Variants in ANKS1B observed in about 807,000 individuals in gnomAD.
ANKS1B encodes ankyrin repeat and sterile alpha motif domain containing 1B, also known as ankyrin repeat and sterile alpha motif domain-containing protein 1B.
Under a neutral mutation model 148.3 loss-of-function variants are expected in ANKS1B, and 36 were observed. The ratio of observed to expected loss-of-function variants is 0.24; its 90% CI spans 0.19 to 0.32. ANKS1B has a LOEUF of 0.32. Ranked by LOEUF, ANKS1B falls within the 10% of genes least tolerant of loss-of-function variation. The pLI is 1.00. For missense variants in ANKS1B, 1,157 were observed against 1,542.6 expected, an observed-to-expected ratio of 0.75 and a Z score of 4.19; for synonymous variants, 542 against 560.8, an observed-to-expected ratio of 0.97 and a Z score of 0.47.
At chr12:99,580,202 A>G (rs537561657) in intron 9 of ANKS1B, among the ~76,000 whole-genome samples, 2 of 152,224 alleles carry the variant, frequency 1.3e-5, no homozygotes, top group African/African-American at 4.8e-5. Context: ...TTGAGGGTAG[A>G]GGGTTGGAGG....
At chr12:99,374,363 A>G (rs1462531169) in intron 12 of ANKS1B, among the ~76,000 whole-genome samples, 5 of 152,076 alleles carry the variant, frequency 3.3e-5, no homozygotes, top group Non-Finnish European at 7.4e-5. Flanking sequence ...GTTTCCTCCC[A>G]CATCCCAGAG....
intron 12 of ANKS1B, among the ~76,000 whole-genome samples, chr12:99,362,024 C>T (rs942612389): frequency 3.3e-5 from 5 of 151,904 alleles, no homozygotes; most frequent in African/African-American, 1.2e-4. Context: ...TTTAAAAGTA[C>T]ATTATCAATC....
At chr12:99,470,550 A>T (rs1182887729) in intron 10 of ANKS1B, among the ~76,000 whole-genome samples, 1 of 152,130 alleles carries the variant, frequency 6.6e-6, no homozygotes, top group Non-Finnish European at 1.5e-5. Context: ...TAGGAAAGCT[A>T]TCAATTCCTC....
At chr12:99,016,789 T>C (rs2099942822) in intron 17 of ANKS1B, among the ~76,000 whole-genome samples, 1 of 152,258 alleles carries the variant, frequency 6.6e-6, no homozygotes, top group South Asian at 2.1e-4. Flanking sequence ...AAAGAGGTTA[T>C]GATCAGTTTC....
chr12:99,873,461 T>C (rs1035741612), intron 1 of ANKS1B, among the ~76,000 whole-genome samples: 1 of 152,190 alleles, frequency 6.6e-6, no homozygotes, highest in African/African-American at 2.4e-5. Context: ...ATAGATCAAC[T>C]TTCTACCTAT....
chr12:99,216,655 T>G (rs2153929674), intron 14 of ANKS1B, among the ~76,000 whole-genome samples: 1 of 152,328 alleles, frequency 6.6e-6, no homozygotes, highest in African/African-American at 2.4e-5. Flanking sequence ...AGTAGAGATC[T>G]GTGGGTTTCC....
chr12:99,243,924 C>T (rs531541909), intron 14 of ANKS1B, among the ~76,000 whole-genome samples: 3 of 152,068 alleles, frequency 2.0e-5, no homozygotes, highest in East Asian at 1.9e-4. Flanking sequence ...ATGTAAATGA[C>T]GAGTTGATGG....
intron 8 of ANKS1B, among the ~76,000 whole-genome samples, chr12:99,770,589 A>T (rs11110031): frequency 0.18 from 26,883 of 152,100 alleles, 2,898 homozygotes; most frequent in East Asian, 0.49. Context: ...AACATTCGCT[A>T]ACAGGTTTCT....
intron 22 of ANKS1B, among the ~76,000 whole-genome samples, chr12:98,798,426 T>C (rs2098970427): frequency 6.6e-6 from 1 of 151,966 alleles, no homozygotes; most frequent in Non-Finnish European, 1.5e-5. Flanking sequence ...CGGCCTGGAA[T>C]TGCCATTTTT....
intron 1 of ANKS1B, among the ~76,000 whole-genome samples, chr12:99,827,715 T>C (rs2083388703): frequency 6.6e-6 from 1 of 152,210 alleles, no homozygotes; most frequent in African/African-American, 2.4e-5. Flanking sequence ...ACTATCAGAA[T>C]TGTTATCTTT....
intron 10 of ANKS1B, among the ~76,000 whole-genome samples, chr12:99,453,277 G>A (rs1028605978): frequency 2.0e-5 from 3 of 151,890 alleles, no homozygotes; most frequent in East Asian, 3.9e-4. Context: ...GTGACAGAGC[G>A]AGAGTCCGTC....
At chr12:99,148,415 A>T (rs1413991832) in intron 15 of ANKS1B, among the ~76,000 whole-genome samples, 3 of 146,202 alleles carry the variant, frequency 2.1e-5, no homozygotes, top group Non-Finnish European at 1.5e-5. Context: ...AATCATGGCA[A>T]TTTTTTTTTT....
intron 1 of ANKS1B, among the ~76,000 whole-genome samples, chr12:99,944,258 T>A (rs2094997457): frequency 6.6e-6 from 1 of 152,186 alleles, no homozygotes; most frequent in Non-Finnish European, 1.5e-5. Context: ...CCAGCGAATA[T>A]CCTTTCTGCA....
chr12:98,933,581 T>A (rs2099815695), intron 17 of ANKS1B, among the ~76,000 whole-genome samples: 1 of 152,134 alleles, frequency 6.6e-6, no homozygotes, highest in Non-Finnish European at 1.5e-5. Flanking sequence ...TCTATACTGC[T>A]TTTCATAGCA....
In ANKS1B at chr12:99,984,232, C is replaced by G; in HGVS notation, c.6G>C (p.Gly2=). Residue 2 remains glycine (G), a synonymous_variant, in exon 1 of 27, where the codon GGG becomes GGC. Coordinates refer to ENST00000683438, the MANE Select transcript of ANKS1B (RefSeq NM_001352186.2). ...CAGCTTCCAGCAGCTCCTGGTCCTT[C>G]CCCATAGTCTCTCACCGACTCCCCC... is the stretch of plus-strand genomic sequence containing the variant. M[G]KDQELLEAAR... is the part of the protein sequence containing the mutation. 4.3e-6 allele frequency: 7 copies of G among 1,613,112 alleles called. No homozygotes were observed. The highest frequency in any genetic ancestry group is 5.9e-6 in the Non-Finnish European group (7 of 1,179,428).
intron 15 of ANKS1B, among the ~76,000 whole-genome samples, chr12:99,090,142 G>T (rs1385049461): frequency 6.6e-6 from 1 of 152,126 alleles, no homozygotes. Context: ...TGCCCAAATA[G>T]AATGAAAAGC....
rs1041565586 is a variant in ANKS1B, at chr12:99,741,218, C to T, written c.1128+31704G>A. 7.3e-5 allele frequency among the ~76,000 whole-genome samples: 11 copies of T among 151,146 alleles called. No individual in the cohort carries two copies. In the South Asian group the frequency reaches 8.5e-4, roughly 12 times the overall value. Reference sequence around the variant, plus strand: ...CTAGGCTCCGTCAAACACACACACACACACACACACACACACACACACACA... The same window carrying T: ...CTAGGCTCCGTCAAACACACACACATACACACACACACACACACACACACA... On this transcript the variant is annotated intron_variant, in intron 8 of 26. Coordinates refer to ENST00000683438, the MANE Select transcript of ANKS1B (RefSeq NM_001352186.2).
intron 10 of ANKS1B, among the ~76,000 whole-genome samples, chr12:99,481,509 G>T (rs894345289): frequency 6.6e-6 from 1 of 151,878 alleles, no homozygotes; most frequent in Non-Finnish European, 1.5e-5. Context: ...ACATATGTGT[G>T]CCAGTATCTT....
chr12:99,117,260 C>A (rs983633204), intron 15 of ANKS1B, among the ~76,000 whole-genome samples: 2 of 152,162 alleles, frequency 1.3e-5, no homozygotes, highest in African/African-American at 2.4e-5. Context: ...TGAGAGAGGG[C>A]ATCCTTGTCT....
Sources: allele counts gnomAD v4.1 joint callset (sites outside exome capture counted in the v4.1 genomes callset), GRCh38; gene constraint gnomAD v4.1.1; transcripts MANE v1.5; gene names NCBI Gene and HGNC (gene_info 2026-07-23, HGNC 2026-07-21).